ZNF69: variants seen among roughly 807,000 people sequenced by gnomAD.
The protein encoded by ZNF69 is ZNF3.
In ZNF69, 47 loss-of-function variants were observed where a neutral mutation model predicts 50.9. The ratio of observed to expected loss-of-function variants is 0.92; its 90% confidence interval spans 0.73 to 1.18. ZNF69 has a LOEUF of 1.18. Ranked by LOEUF, ZNF69 falls within the 50% of genes most tolerant of loss-of-function variation. The probability of loss-of-function intolerance (pLI) is 0.00; values close to 1 mark genes in which losing one functional copy is unlikely to be tolerated. For synonymous variants in ZNF69, 216 were observed against 223.1 expected (o/e 0.97, Z 0.29); for missense variants, 717 against 675.1 (o/e 1.06, Z -0.69).
the ZNF69 span, chr19:11,978,386 A>AT: frequency 1.9e-6 from 3 of 1,614,122 alleles, no homozygotes; most frequent in Non-Finnish European, 2.5e-6. Context: ...AAGCCTTCAG[A>AT]TATCACCCCT....
chr19:11,938,779 T>C, the ZNF69 span, among the ~76,000 whole-genome samples: 1 of 152,240 alleles, frequency 6.6e-6, no homozygotes, highest in African/African-American at 2.4e-5. Flanking sequence ...TTTCTAGTTC[T>C]AGATCCTTGA....
the ZNF69 span, among the ~76,000 whole-genome samples, chr19:11,956,973 C>G: frequency 6.6e-6 from 1 of 152,138 alleles, no homozygotes; most frequent in Non-Finnish European, 1.5e-5. Flanking sequence ...CCCTGGAAAG[C>G]TAGGGATCCA....
At chr19:11,925,348 AC>A in the ZNF69 span, 1 of 1,587,120 alleles carries the variant, frequency 6.3e-7, no homozygotes, top group Non-Finnish European at 8.6e-7. Context: ...CTGTGGCGGG[AC>A]CCGGGCCTCC....
intron 1 of ZNF69, among the ~76,000 whole-genome samples, chr19:11,896,687 G>A (rs538127215): frequency 2.0e-5 from 3 of 152,080 alleles, no homozygotes; most frequent in South Asian, 2.1e-4. Context: ...CTATATTGGG[G>A]GTAGGTTATT....
chr19:11,933,660 A>G, the ZNF69 span, among the ~76,000 whole-genome samples: 1 of 148,040 alleles, frequency 6.8e-6, no homozygotes, highest in South Asian at 2.1e-4. Flanking sequence ...TCCTCGATGT[A>G]AAAATATGCA....
chr19:11,911,335 A>G (rs913844628), downstream of ZNF69, among the ~76,000 whole-genome samples: 1 of 152,246 alleles, frequency 6.6e-6, no homozygotes, highest in Non-Finnish European at 1.5e-5. Context: ...ATATACCCAA[A>G]GGATTATAAA....
the ZNF69 span, among the ~76,000 whole-genome samples, chr19:11,938,454 A>T: frequency 6.6e-6 from 1 of 152,118 alleles, no homozygotes; most frequent in South Asian, 2.1e-4. Context: ...CTCATTGTTC[A>T]GTTCCCACCT....
chr19:11,951,372 G>T, the ZNF69 span, among the ~76,000 whole-genome samples: 3 of 151,418 alleles, frequency 2.0e-5, no homozygotes, highest in African/African-American at 7.3e-5. Flanking sequence ...GGGACTACAG[G>T]CGTGCCCCAC....
At chr19:11,950,111 G>A in the ZNF69 span, 2 of 1,614,130 alleles carry the variant, frequency 1.2e-6, no homozygotes, top group Non-Finnish European at 1.7e-6. Context: ...ATACATGCAA[G>A]AACACACATT....
chr19:11,978,806 T>G, the ZNF69 span: 2 of 1,614,014 alleles, frequency 1.2e-6, no homozygotes, highest in Non-Finnish European at 1.7e-6. Flanking sequence ...AATCCTTCAG[T>G]TGGTGTCATT....
chr19:11,922,370 G>A, the ZNF69 span, among the ~76,000 whole-genome samples: 4 of 152,062 alleles, frequency 2.6e-5, no homozygotes, highest in Non-Finnish European at 5.9e-5. Context: ...CTTTGTCTTC[G>A]TTCAGTCCTC....
At chr19:11,964,760 G>A in the ZNF69 span, among the ~76,000 whole-genome samples, 1 of 152,002 alleles carries the variant, frequency 6.6e-6, no homozygotes, top group Non-Finnish European at 1.5e-5. Context: ...ACGAAGGAGC[G>A]GGGAAAATCC....
intron 1 of ZNF69, among the ~76,000 whole-genome samples, chr19:11,892,951 C>T (rs951672995): frequency 5.3e-5 from 8 of 152,224 alleles, no homozygotes; most frequent in Admixed American, 3.9e-4. Context: ...TCTCCTGCTT[C>T]AGCCTCCCAA....
the ZNF69 span, among the ~76,000 whole-genome samples, chr19:11,962,551 G>A: frequency 6.6e-6 from 1 of 151,894 alleles, no homozygotes; most frequent in Admixed American, 6.6e-5. Flanking sequence ...TGTACATATG[G>A]AGTCTCACTA....
At chr19:11,892,390 C>T (rs1055763547) in intron 1 of ZNF69, among the ~76,000 whole-genome samples, 3 of 151,976 alleles carry the variant, frequency 2.0e-5, no homozygotes, top group African/African-American at 7.3e-5. Context: ...AACATTCCAG[C>T]TGAAGACAAT....
chr19:11,930,747 T>C, the ZNF69 span, among the ~76,000 whole-genome samples: 2 of 148,336 alleles, frequency 1.3e-5, no homozygotes, highest in East Asian at 3.9e-4. Context: ...ACGCCTGTAA[T>C]ACCAGCACTT....
At chr19:11,918,694 A>G (rs528779851), downstream of ZNF69, among the ~76,000 whole-genome samples, 2 of 152,006 alleles carry the variant, frequency 1.3e-5, no homozygotes, top group South Asian at 2.1e-4. Context: ...GGCTCAATCA[A>G]TCCTCTTGCC....
At chr19:11,898,288 G>T (rs1408797852) in intron 1 of ZNF69, among the ~76,000 whole-genome samples, 1 of 150,876 alleles carries the variant, frequency 6.6e-6, no homozygotes, top group East Asian at 1.9e-4. Flanking sequence ...TATTTAATGG[G>T]TTTTATTATT....
the ZNF69 span, among the ~76,000 whole-genome samples, chr19:11,929,316 A>G: frequency 1.4e-5 from 2 of 148,000 alleles, no homozygotes; most frequent in Non-Finnish European, 2.9e-5. Flanking sequence ...GACATGTGCC[A>G]CCACACTCAG....
Sources: gnomAD v4.1 joint callset for allele counts (sites outside exome capture counted in the v4.1 genomes callset) on GRCh38, gnomAD v4.1.1 for gene constraint, MANE v1.5 for transcripts, NCBI Gene and HGNC (gene_info 2026-07-23, HGNC 2026-07-21) for gene names.